Variants in GAD2 observed in about 807,000 individuals in gnomAD.
GAD2 encodes 65 kDa glutamic acid decarboxylase.
A neutral mutation model predicts 80.1 loss-of-function variants in GAD2; 22 were observed. That is an observed-to-expected ratio of 0.27 (90% CI 0.20 to 0.39). The LOEUF (loss-of-function observed/expected upper bound fraction) is 0.39. Among genes scored for constraint, GAD2 ranks in the 10% least tolerant of loss-of-function variants. The pLI is 1.00. For missense variants in GAD2, 624 were observed against 738.4 expected (o/e 0.85, Z 1.80); for synonymous variants, 274 against 256.9 (o/e 1.07, Z -0.64).
intron 9 of GAD2, 70 bp from the exon 10 acceptor site, chr10:26,270,570 C>A: frequency 8.9e-7 from 1 of 1,121,236 alleles, no homozygotes; most frequent in Non-Finnish European, 1.4e-6. Context: ...ATTTCCATTG[C>A]TTTGAATCAG....
rs1435125556 is a variant in GAD2, at chr10:26,300,877, C to T, written c.1674C>T (p.Arg558=). 2 of 1,613,758 alleles carry T rather than the reference C, an allele frequency of 1.2e-6. No individual in the cohort carries two copies. Among genetic ancestry groups the T allele is most frequent in the African/African-American group, 2.7e-5 (2 of 74,910 alleles). Residue 558 remains arginine, a synonymous_variant, in exon 16 of 16, where the codon CGC becomes CGT. Transcript: ENST00000376261. ...TGGGAGACAAGGTCAATTTCTTCCG[C>T]ATGGTCATCTCAAACCCAGCGGCAA... ...QPLGDKVNFF[R]MVISNPAATH...
intron 4 of GAD2, among the ~76,000 whole-genome samples, chr10:26,220,085 A>T (rs1410265163): frequency 6.6e-6 from 1 of 152,156 alleles, no homozygotes; most frequent in Admixed American, 6.5e-5. Context: ...CATGTTATCT[A>T]CACAAAGTCA....
chr10:26,265,147 T>C (rs1845054996), intron 8 of GAD2, among the ~76,000 whole-genome samples: 1 of 152,128 alleles, frequency 6.6e-6, no homozygotes, highest in Non-Finnish European at 1.5e-5. Context: ...CCTGTTGTTC[T>C]TCCTGGGATT....
At chr10:26,245,892 A>T in intron 7 of GAD2, 29 bp from the exon 8 acceptor site, 1 of 1,542,752 alleles carries the variant, frequency 6.5e-7, no homozygotes, top group Non-Finnish European at 9.0e-7. Context: ...ATATGGAACT[A>T]ATTGCAAATA....
intron 8 of GAD2, among the ~76,000 whole-genome samples, chr10:26,258,027 C>G (rs777098936): frequency 6.6e-6 from 1 of 151,792 alleles, no homozygotes; most frequent in African/African-American, 2.4e-5. Flanking sequence ...CTCAGGGATG[C>G]TAGTCCTGTG....
rs1452839797 is a variant in GAD2, at chr10:26,301,796, C to T, written c.*835C>T. On this transcript the variant is annotated 3_prime_UTR_variant, in exon 16 of 16. Transcript: ENST00000376261. ...ATTCTCTTCCCCTTTAAGTTTTCCA[C>T]CCATTTTACTCTTAGCGGACTCACT... is the stretch of plus-strand genomic sequence containing the variant. 1 of 152,192 alleles carries T rather than the reference C, an allele frequency of 6.6e-6. No homozygotes were observed. Among genetic ancestry groups the T allele is most frequent in the Non-Finnish European group, 1.5e-5 (1 of 68,040 alleles). 9.4% of individuals were successfully genotyped at this position (152,192 alleles called of 1,614,324 possible).
At chr10:26,268,467 C>CAAAA (rs398045927) in intron 8 of GAD2, among the ~76,000 whole-genome samples, 7 of 93,592 alleles carry the variant, frequency 7.5e-5, no homozygotes, top group South Asian at 3.6e-4. Flanking sequence ...GACTCTGTCT[C>CAAAA]AAAAAAAAAA....
chr10:26,225,863 A>G (rs1418886409), intron 6 of GAD2, among the ~76,000 whole-genome samples: 2 of 152,172 alleles, frequency 1.3e-5, no homozygotes, highest in Admixed American at 1.3e-4. Context: ...GCTAGCCTTT[A>G]TTTTTTATGG....
intron 3 of GAD2, 43 bp downstream of exon 3, chr10:26,218,034 C>T: frequency 1.3e-6 from 2 of 1,538,770 alleles, no homozygotes; most frequent in African/African-American, 1.4e-5. Flanking sequence ...CTGCCCCTCT[C>T]TCTGCCCCGC....
intron 8 of GAD2, among the ~76,000 whole-genome samples, chr10:26,267,801 A>G (rs2132303067): frequency 6.6e-6 from 1 of 152,104 alleles, no homozygotes; most frequent in African/African-American, 2.4e-5. Context: ...AATATAACTT[A>G]CCCTTCTCAC....
At chr10:26,232,426 A>G (rs1022444189) in intron 7 of GAD2, among the ~76,000 whole-genome samples, 2 of 145,256 alleles carry the variant, frequency 1.4e-5, no homozygotes, top group Non-Finnish European at 3.0e-5. Context: ...AAAAATAACA[A>G]TTTTGCTCTA....
intron 7 of GAD2, 134 bp downstream of exon 7, chr10:26,229,911 G>A (rs1844578098): frequency 1.5e-6 from 1 of 651,264 alleles, no homozygotes; most frequent in African/African-American, 1.8e-5. Context: ...GGGGGAGAAA[G>A]CTGAGTGGTA....
intron 8 of GAD2, among the ~76,000 whole-genome samples, chr10:26,267,982 T>C (rs1845091462): frequency 6.6e-6 from 1 of 152,220 alleles, no homozygotes; most frequent in African/African-American, 2.4e-5. Context: ...AAAGGTACTA[T>C]GGAGTCAATG....
chr10:26,248,716 A>T (rs1589143534), intron 8 of GAD2, among the ~76,000 whole-genome samples: 1 of 152,166 alleles, frequency 6.6e-6, no homozygotes, highest in African/African-American at 2.4e-5. Context: ...GCTCTGGGTG[A>T]TGAGGTTAAA....
At chr10:26,230,419 G>A (rs560394015) in intron 7 of GAD2, among the ~76,000 whole-genome samples, 3 of 147,898 alleles carry the variant, frequency 2.0e-5, no homozygotes, top group Admixed American at 6.7e-5. Context: ...ATGGTGCCTT[G>A]AGCCTTTTTG....
In GAD2 at chr10:26,275,110, G is replaced by A. The variant is rs559574404; in HGVS notation, c.1157+1410G>A. Among the ~76,000 whole-genome samples, 69 of 152,336 alleles carry A rather than the reference G, an allele frequency of 4.5e-4. 2 individuals are homozygous for A. The highest frequency in any genetic ancestry group is 1.6e-3 in the African/African-American group (67 of 41,566). ...ATCTGCAAGAAAGCAGAAGCTTAAG[G>A]AAGAGGCAATGAAGTAAACAGGGAG... On this transcript the variant is annotated intron_variant, in intron 11 of 15. Coordinates refer to ENST00000376261, the MANE Select transcript of GAD2 (RefSeq NM_001134366.2).
chr10:26,228,698 T>G (rs952074390), intron 6 of GAD2, among the ~76,000 whole-genome samples: 4 of 152,214 alleles, frequency 2.6e-5, no homozygotes, highest in Non-Finnish European at 4.4e-5. Context: ...TATTGTGAAC[T>G]GCGCATGCGA....
chr10:26,264,344 G>C (rs80067402), intron 8 of GAD2, among the ~76,000 whole-genome samples: 1 of 137,208 alleles, frequency 7.3e-6, no homozygotes, highest in Admixed American at 8.2e-5. Context: ...ACAGAGTCTC[G>C]CTCTGTCGCC....
At chr10:26,286,197 C>T (rs1845329250) in intron 12 of GAD2, 148 bp from the exon 13 acceptor site, 2 of 708,978 alleles carry the variant, frequency 2.8e-6, no homozygotes, top group South Asian at 2.0e-5. Flanking sequence ...CAGAATTGCC[C>T]CCATTCTTTT....
Sources: gnomAD v4.1 joint callset for allele counts (sites outside exome capture counted in the v4.1 genomes callset) on GRCh38, gnomAD v4.1.1 for gene constraint, MANE v1.5 for transcripts, NCBI Gene and HGNC (gene_info 2026-07-23, HGNC 2026-07-21) for gene names.